The following IGSF21 variants were observed in gnomAD, a reference collection of about 807,000 sequenced individuals.
The protein encoded by IGSF21 is immunoglobin superfamily member 21.
A neutral mutation model predicts 46.8 loss-of-function variants in IGSF21; 28 were observed. That is an observed-to-expected ratio of 0.60 (90% CI 0.44 to 0.82). IGSF21 has a LOEUF of 0.82. Among genes scored for constraint, IGSF21 ranks in the 40% least tolerant of loss-of-function variants. IGSF21 has a pLI of 0.00. For synonymous variants in IGSF21, 284 were observed against 273.6 expected, an observed-to-expected ratio of 1.04 and a Z score of -0.38; for missense variants, 624 against 665.5, an observed-to-expected ratio of 0.94 and a Z score of 0.69.
chr1:18,309,560 C>G (rs2085461743), intron 3 of IGSF21, among the ~76,000 whole-genome samples: 1 of 152,186 alleles, frequency 6.6e-6, no homozygotes, highest in Admixed American at 6.5e-5. Flanking sequence ...TTCAGGAGAA[C>G]CCCACATCTG....
At chr1:18,257,769 G>T (rs1403248219) in intron 2 of IGSF21, among the ~76,000 whole-genome samples, 1 of 152,198 alleles carries the variant, frequency 6.6e-6, no homozygotes, top group East Asian at 1.9e-4. Context: ...CAAAAAGGGG[G>T]CTGGAAGAAT....
At chr1:18,351,028 C>T (rs1256654835) in intron 4 of IGSF21, among the ~76,000 whole-genome samples, 2 of 152,040 alleles carry the variant, frequency 1.3e-5, no homozygotes, top group African/African-American at 4.8e-5. Flanking sequence ...TTAGAGGACA[C>T]GTGGGCCCTT....
intron 1 of IGSF21, among the ~76,000 whole-genome samples, chr1:18,202,257 C>T (rs1304673806): frequency 6.6e-6 from 1 of 152,354 alleles, no homozygotes; most frequent in East Asian, 1.9e-4. Context: ...GCAATGCAAT[C>T]TCACATTCTC....
intron 4 of IGSF21, among the ~76,000 whole-genome samples, chr1:18,350,165 G>A (rs1466549398): frequency 1.3e-5 from 2 of 152,174 alleles, no homozygotes; most frequent in African/African-American, 4.8e-5. Context: ...AGAGAGGGAA[G>A]GAGAGACCCT....
At chr1:18,237,608 T>C (rs2084685457) in intron 2 of IGSF21, among the ~76,000 whole-genome samples, 1 of 152,248 alleles carries the variant, frequency 6.6e-6, no homozygotes. Flanking sequence ...TGAAGCCTTC[T>C]GACCCCTCTC....
intron 1 of IGSF21, among the ~76,000 whole-genome samples, chr1:18,162,881 T>C (rs1195038630): frequency 6.6e-6 from 1 of 152,122 alleles, no homozygotes; most frequent in East Asian, 1.9e-4. Context: ...ACAATGATGG[T>C]AAGTGAGGTC....
chr1:18,213,188 T>G lies in IGSF21; in HGVS notation c.71-14710T>G, dbSNP rs1458710324. Among the ~76,000 whole-genome samples the G allele has an allele frequency of 2.0e-5, 3 of 152,154 alleles. No individual in the cohort carries two copies. The East Asian group carries it at 5.8e-4, about 29-fold the overall frequency. ...GCAACAGTATGGCCAGACCCACTGA[T>G]TTATTTTGTTGCTTTTTCATTCATC... On this transcript the variant is annotated intron_variant, in intron 1 of 9. Coordinates refer to ENST00000251296, the MANE Select transcript of IGSF21 (RefSeq NM_032880.5).
chr1:18,261,458 A>C (rs979119486), intron 2 of IGSF21, among the ~76,000 whole-genome samples: 1 of 152,168 alleles, frequency 6.6e-6, no homozygotes, highest in East Asian at 1.9e-4. Context: ...CCATGCCAAC[A>C]CTCAGAAGTC....
At chr1:18,188,591 G>A (rs921576149) in intron 1 of IGSF21, among the ~76,000 whole-genome samples, 6 of 152,290 alleles carry the variant, frequency 3.9e-5, no homozygotes, top group South Asian at 2.1e-4. Flanking sequence ...TGAGGGAAGG[G>A]ATGGGGACAG....
intron 6 of IGSF21, among the ~76,000 whole-genome samples, chr1:18,366,223 AG>A (rs2086163594): frequency 6.6e-6 from 1 of 152,194 alleles, no homozygotes; most frequent in Non-Finnish European, 1.5e-5. Flanking sequence ...TGTTAAAAAC[AG>A]GGGAGGTTTT....
chr1:18,289,431 A>G (rs967681994), intron 2 of IGSF21, among the ~76,000 whole-genome samples: 6 of 152,186 alleles, frequency 3.9e-5, no homozygotes, highest in African/African-American at 1.4e-4. Context: ...GCCTGATGGG[A>G]TGGGATGTGA....
intron 1 of IGSF21, among the ~76,000 whole-genome samples, chr1:18,119,859 T>G (rs540389625): frequency 6.6e-6 from 1 of 152,162 alleles, no homozygotes; most frequent in South Asian, 2.1e-4. Context: ...ATTCTCCCTC[T>G]TTTAAAAAAA....
rs570529963 is a variant in IGSF21 at position 18,334,855 on chromosome 1, G to A, written c.306-37G>A. On this transcript the variant is annotated intron_variant, in intron 3 of 9. Coordinates refer to ENST00000251296, the MANE Select transcript of IGSF21 (RefSeq NM_032880.5). The surrounding 1 kb of genome is among the most constrained non-coding windows in gnomAD (Gnocchi z 4.3). Reference sequence around the variant, plus strand: ...TGAACGCTGCCTCACCCAGCCCCACGATGAAGGGCCCTCACCCTGTCTTCT... The same window carrying A: ...TGAACGCTGCCTCACCCAGCCCCACAATGAAGGGCCCTCACCCTGTCTTCT... The A allele has an allele frequency of 9.2e-6, 14 of 1,515,508 alleles. No homozygotes were observed. The highest frequency in any genetic ancestry group is 3.4e-4 in the Middle Eastern group (2 of 5,854). 93.9% of individuals were successfully genotyped at this position (1,515,508 alleles called of 1,614,324 possible).
rs1025225711 is a variant in IGSF21 at position 18,334,739 on chromosome 1, G to T, written c.306-153G>T. On this transcript the variant is annotated intron_variant, in intron 3 of 9. Coordinates refer to ENST00000251296, the MANE Select transcript of IGSF21 (RefSeq NM_032880.5). This position sits in a 1 kb window ranked among gnomAD's most constrained non-coding sequence, Gnocchi z 4.3. ...AGCACAGGGTCTGCATACAGTCGGT[G>T]TTCCATAAATGCTCCCCTCCTCCCA... is the stretch of plus-strand genomic sequence containing the variant. Among the ~76,000 whole-genome samples, 3 of 152,178 alleles carry T rather than the reference G, an allele frequency of 2.0e-5. No homozygotes were observed. The highest frequency in any genetic ancestry group is 7.2e-5 in the African/African-American group (3 of 41,450).
intron 1 of IGSF21, among the ~76,000 whole-genome samples, chr1:18,190,796 G>A (rs1410882776): frequency 1.3e-5 from 2 of 152,134 alleles, no homozygotes; most frequent in Non-Finnish European, 2.9e-5. Flanking sequence ...CAGCTATCAC[G>A]CCATCTCCCC....
At chr1:18,351,458 C>T (rs2085954184) in intron 4 of IGSF21, among the ~76,000 whole-genome samples, 1 of 152,190 alleles carries the variant, frequency 6.6e-6, no homozygotes, top group Admixed American at 6.5e-5. Context: ...AAGCCAAGGC[C>T]TGTACACGGT....
rs142604331 is a variant in IGSF21 at position 18,257,014 on chromosome 1, C to G, written c.183+29004C>G. ...TCCTCTTCTCCTCTCAAACCCAGCCCTCTTGGTAATATTGGATTAGCCCAC... is the reference window on the plus strand; with the variant it reads ...TCCTCTTCTCCTCTCAAACCCAGCCGTCTTGGTAATATTGGATTAGCCCAC... On this transcript the variant is annotated intron_variant, in intron 2 of 9. Coordinates refer to ENST00000251296, the MANE Select transcript of IGSF21 (RefSeq NM_032880.5). 2.0e-3 allele frequency among the ~76,000 whole-genome samples: 303 copies of G among 152,268 alleles called. 1 individual carries two copies. Among genetic ancestry groups the G allele is most frequent in the African/African-American group, 7.0e-3 (292 of 41,560 alleles).
chr1:18,292,422 GC>G (rs769819178), intron 3 of IGSF21, among the ~76,000 whole-genome samples: 9 of 152,316 alleles, frequency 5.9e-5, no homozygotes, highest in Admixed American at 2.0e-4. Context: ...GGCCATAAGG[GC>G]CCCGAGCTTA....
intron 1 of IGSF21, among the ~76,000 whole-genome samples, chr1:18,119,316 T>C (rs2086213135): frequency 6.6e-6 from 1 of 152,234 alleles, no homozygotes; most frequent in Non-Finnish European, 1.5e-5. Context: ...TTTCAATAAG[T>C]GGCCATGTGT....
Sources: allele counts gnomAD v4.1 joint callset (sites outside exome capture counted in the v4.1 genomes callset), GRCh38; gene constraint gnomAD v4.1.1; non-coding constraint Gnocchi (gnomAD v3.1); transcripts MANE v1.5; gene names NCBI Gene and HGNC (gene_info 2026-07-23, HGNC 2026-07-21).